The following SLC50A1 variants were observed in gnomAD, a reference collection of about 807,000 sequenced individuals.
The protein encoded by SLC50A1 is sugar transporter SWEET1.
Under a neutral mutation model 28.9 loss-of-function variants are expected in SLC50A1, and 22 were observed. The ratio of observed to expected loss-of-function variants is 0.76; its 90% CI spans 0.54 to 1.09. The LOEUF (loss-of-function observed/expected upper bound fraction) is 1.09, where lower values mean the gene tolerates loss of function less well. SLC50A1 is among the 50% of genes least tolerant of loss of function. The probability of loss-of-function intolerance (pLI) is 0.00; values close to 1 mark genes in which losing one functional copy is unlikely to be tolerated. For synonymous variants in SLC50A1, 96 were observed against 110.6 expected, an observed-to-expected ratio of 0.87 and a Z score of 0.83; for missense variants, 233 against 273.4, an observed-to-expected ratio of 0.85 and a Z score of 1.04.
intron 4 of SLC50A1, 43 bp downstream of exon 4, chr1:155,137,765 G>A (rs1557792088): frequency 1.2e-6 from 2 of 1,609,776 alleles, no homozygotes; most frequent in Admixed American, 1.7e-5. Flanking sequence ...TAAGAGTCAG[G>A]CTCTCATAGC....
At chr1:155,135,578 G>A (rs1457371364), upstream of SLC50A1, 4 of 1,546,800 alleles carry the variant, frequency 2.6e-6, no homozygotes, top group Non-Finnish European at 3.5e-6. Flanking sequence ...TGAGACTGGG[G>A]GCGTCTAGAT....
rs1553190226 is a variant in SLC50A1, at chr1:155,137,606, C to A, written c.328C>A (p.Leu110Met). Reference protein sequence around the residue: ...QTATLLGVLLLGYGYFWLLVP... With the variant: ...QTATLLGVLLMGYGYFWLLVP... The stretch of plus-strand genomic sequence containing the variant: ...TGCAACCCTGCTAGGGGTCCTTCTC[C>A]TGGGTTATGGCTACTTTTGGCTCCT... Residue 110 changes from leucine (L) to methionine (M), a missense_variant, in exon 4 of 6, where the codon CTG (leucine) becomes ATG (methionine). By Grantham distance (15) the Leu-to-Met change is conservative (BLOSUM62 2). Coordinates refer to ENST00000368404, the MANE Select transcript of SLC50A1 (RefSeq NM_018845.4). 1 of 1,614,190 alleles carries A rather than the reference C, an allele frequency of 6.2e-7. No individual in the cohort carries two copies. The highest frequency in any genetic ancestry group is 8.5e-7 in the Non-Finnish European group (1 of 1,180,028).
Position 155,138,510 on chromosome 1 carries a change from G to A in SLC50A1, c.*229G>A. 1.8e-6 allele frequency: 1 copy of A among 544,418 alleles called. No homozygotes were observed. Among genetic ancestry groups the A allele is most frequent in the Non-Finnish European group, 3.3e-6 (1 of 307,366 alleles). The allele number at this position is 544,418 out of a possible 1,614,324, so 33.7% of individuals were successfully genotyped here. ...GAGATTTTTTTTTTTAATTTTGGAG[G>A]TTGGGGTGCAATCTTTAGAATATGC... On this transcript the variant is annotated 3_prime_UTR_variant, in exon 6 of 6. Coordinates refer to ENST00000368404, the MANE Select transcript of SLC50A1 (RefSeq NM_018845.4).
upstream of SLC50A1, chr1:155,135,836 A>T: frequency 1.3e-6 from 2 of 1,597,728 alleles, no homozygotes; most frequent in Admixed American, 1.7e-5. Flanking sequence ...CCAGAGCCGC[A>T]GGTCTGGGCT....
At chr1:155,135,769 T>A (rs547943899), upstream of SLC50A1, 2 of 1,550,700 alleles carry the variant, frequency 1.3e-6, no homozygotes, top group African/African-American at 2.7e-5. Context: ...TTCGGCGCAG[T>A]TTCCGGAGGG....
chr1:155,136,184 G>C (rs1217329370), intron 1 of SLC50A1, 115 bp from the exon 2 acceptor site: 3 of 418,746 alleles, frequency 7.2e-6, no homozygotes, highest in Non-Finnish European at 1.3e-5. Context: ...TGGCGGGGGG[G>C]AGAGGGGGCG....
At chr1:155,137,034 A>G in intron 3 of SLC50A1, 83 bp downstream of exon 3, 1 of 1,554,304 alleles carries the variant, frequency 6.4e-7, no homozygotes, top group South Asian at 1.1e-5. Flanking sequence ...AGAAGACTGT[A>G]ACAGCTGGCA....
At chr1:155,136,519 G>A in intron 2 of SLC50A1, 143 bp downstream of exon 2, 1 of 787,426 alleles carries the variant, frequency 1.3e-6, no homozygotes, top group South Asian at 1.6e-5. Context: ...CGAGACGGGC[G>A]GATCACGAGG....
chr1:155,136,494 T>A lies in SLC50A1; in HGVS notation c.158+118T>A, dbSNP rs1014170885. 9.7e-5 allele frequency: 92 copies of A among 951,680 alleles called. 1 individual carries two copies. Among genetic ancestry groups the A allele is most frequent in the South Asian group, 7.1e-4 (49 of 69,336 alleles). 59.0% of individuals were successfully genotyped at this position (951,680 alleles called of 1,614,324 possible). ...CGCGGTGGCTCACGCCTGTAATCCC[T>A]GCACTTTGGGAGGCCGAGACGGGCG... On this transcript the variant is annotated intron_variant, in intron 2 of 5. Transcript: ENST00000368404.
intron 3 of SLC50A1, 63 bp downstream of exon 3, chr1:155,137,014 A>G: frequency 6.3e-7 from 1 of 1,589,900 alleles, no homozygotes; most frequent in Non-Finnish European, 8.6e-7. Flanking sequence ...CAGGGCAAAC[A>G]CTATTTCCTA....
chr1:155,136,927 ATATCTGCATTACTGCCCTCGGAAGG>A lies in SLC50A1; in HGVS notation c.261_282+3del. Reference sequence around the variant, plus strand: ...CGCTTCAGACCCTGTATATCTTGGCATATCTGCATTACTGCCCTCGGAAGGTAGAGGCCCTCCCTTGGACCCACCT... The same window carrying A: ...CGCTTCAGACCCTGTATATCTTGGCATAGAGGCCCTCCCTTGGACCCACCT... On this transcript the variant is annotated splice_donor_variant and coding_sequence_variant, in exon 3 of 6. Transcript: ENST00000368404. LOFTEE classifies it high-confidence loss of function. The A allele has an allele frequency of 2.5e-6, 4 of 1,614,158 alleles. No individual in the cohort carries two copies. The highest frequency in any genetic ancestry group is 3.4e-6 in the Non-Finnish European group (4 of 1,180,016).
Position 155,138,179 on chromosome 1 carries a change from G to C in SLC50A1, c.565-1G>C. On this transcript the variant is annotated splice_acceptor_variant, in intron 5 of 5. Coordinates refer to ENST00000368404, the MANE Select transcript of SLC50A1 (RefSeq NM_018845.4). LOFTEE classifies it high-confidence loss of function. ...CCTCATAGCAGTTCTTGTGATTTCAGGTGTCCAACTTTCCAGGAATCGTCA... is the reference window on the plus strand; with the variant it reads ...CCTCATAGCAGTTCTTGTGATTTCACGTGTCCAACTTTCCAGGAATCGTCA... 1 of 1,614,188 alleles carries C rather than the reference G, an allele frequency of 6.2e-7. No homozygotes were observed. Among genetic ancestry groups the C allele is most frequent in the Non-Finnish European group, 8.5e-7 (1 of 1,180,030 alleles).
At position 155,136,355 on chromosome 1, in the gene SLC50A1, C is replaced by T. The variant is rs756935367; in HGVS notation, c.137C>T (p.Pro46Leu). The change falls in exon 2 of 6, where the codon CCC (proline) becomes CTC (leucine). Residue 46 changes from proline (P) to leucine (L), a missense_variant. Coordinates refer to ENST00000368404, the MANE Select transcript of SLC50A1 (RefSeq NM_018845.4). ...AGTGTGGACAACGTCCAGTTCCTGC[C>T]CTTTCTCACCACGGAAGTCAAGTGA... ...TRSVDNVQFL[P>L]FLTTEVNNLG... The T allele has an allele frequency of 6.2e-7, 1 of 1,612,430 alleles. No homozygotes were observed. Among genetic ancestry groups the T allele is most frequent in the Admixed American group, 1.7e-5 (1 of 59,804 alleles).
At position 155,136,609 on chromosome 1, in the gene SLC50A1, G is replaced by T. The variant is rs1664497688; in HGVS notation, c.159-219G>T. 3 of 719,454 alleles carry T rather than the reference G, an allele frequency of 4.2e-6. No homozygotes were observed. The South Asian group carries it at 5.7e-5, about 14-fold the overall frequency. 44.6% of individuals were successfully genotyped at this position (719,454 alleles called of 1,614,324 possible). A position where few individuals can be genotyped will look rare whatever the true frequency, so the allele number is the denominator to read the frequency against. Reference sequence around the variant, plus strand: ...ATACAAAAAATTAGCCGGGCGTGGTGCCGGGCGCCTGTAGTCCCAGCTACT... The same window carrying T: ...ATACAAAAAATTAGCCGGGCGTGGTTCCGGGCGCCTGTAGTCCCAGCTACT... On this transcript the variant is annotated intron_variant, in intron 2 of 5. Coordinates refer to ENST00000368404, the MANE Select transcript of SLC50A1 (RefSeq NM_018845.4).
Position 155,137,690 on chromosome 1 carries a change from A to C in SLC50A1, c.412A>C (p.Ile138Leu), listed in dbSNP as rs541358920. ...QLGLFCSVFTISMYLSPLADL... is the reference protein window; with the variant it reads ...QLGLFCSVFTLSMYLSPLADL... ...GGGCCTCTTCTGCAGTGTCTTCACC[A>C]TCAGCATGTACCTCTCACCACTGGC... The change falls in exon 4 of 6, where the codon ATC (isoleucine) becomes CTC (leucine). Residue 138 changes from isoleucine to leucine, a missense_variant. Transcript: ENST00000368404. 21 of 1,614,152 alleles carry C rather than the reference A, an allele frequency of 1.3e-5. No individual in the cohort carries two copies. In the Admixed American group the frequency reaches 3.3e-4, roughly 26 times the overall value.
chr1:155,137,482 T>C, intron 3 of SLC50A1, 79 bp from the exon 4 acceptor site: 1 of 1,569,744 alleles, frequency 6.4e-7, no homozygotes, highest in Non-Finnish European at 8.7e-7. Flanking sequence ...ATTGGAGCAC[T>C]GGAGAAGGCA....
At chr1:155,137,823 G>C (rs1664579037) in intron 4 of SLC50A1, 101 bp downstream of exon 4, 2 of 1,581,048 alleles carry the variant, frequency 1.3e-6, no homozygotes, top group Admixed American at 1.7e-5. Flanking sequence ...CCAAACCCTG[G>C]AAGAAGACAA....
At chr1:155,135,787 G>C, upstream of SLC50A1, 1 of 1,554,356 alleles carries the variant, frequency 6.4e-7, no homozygotes, top group South Asian at 1.2e-5. Flanking sequence ...GGGACGGCCC[G>C]AGCGTGCGGG....
At chr1:155,135,720 G>A (rs1041350495), upstream of SLC50A1, 131 of 1,549,610 alleles carry the variant, frequency 8.5e-5, no homozygotes, top group African/African-American at 1.2e-4. Flanking sequence ...GGAGGAGAGG[G>A]GCGCGAGTTC....
Sources: allele counts gnomAD v4.1 joint callset, GRCh38; gene constraint gnomAD v4.1.1; transcripts MANE v1.5; gene names NCBI Gene and HGNC (gene_info 2026-07-23, HGNC 2026-07-21).